Variants in BNIP5 observed in about 807,000 individuals in gnomAD.
BNIP5 encodes protein BNIP5.
In BNIP5, 61 loss-of-function variants were observed where a neutral mutation model predicts 67.3. The ratio of observed to expected loss-of-function variants is 0.91; its 90% CI spans 0.74 to 1.12. The LOEUF is 1.12. BNIP5 is among the 50% of genes most tolerant of loss of function. The probability of loss-of-function intolerance (pLI) is 0.00; values close to 1 mark genes in which losing one functional copy is unlikely to be tolerated. For synonymous variants in BNIP5, 317 were observed against 319.0 expected, an observed-to-expected ratio of 0.99 and a Z score of 0.07; for missense variants, 826 against 816.3, an observed-to-expected ratio of 1.01 and a Z score of -0.14.
intron 11 of BNIP5, among the ~76,000 whole-genome samples, chr6:36,318,685 T>C (rs1398072327): frequency 1.3e-5 from 2 of 152,100 alleles, no homozygotes; most frequent in East Asian, 3.8e-4. Flanking sequence ...ATTACACCAC[T>C]GCACTCCAGC....
At chr6:36,330,007 C>T in intron 2 of BNIP5, 74 bp downstream of exon 2, 2 of 1,489,846 alleles carry the variant, frequency 1.3e-6, no homozygotes, top group South Asian at 2.7e-5. Flanking sequence ...ATCCCTGTCC[C>T]TCTGTGGAGA....
At position 36,317,118 on chromosome 6, in the gene BNIP5, T is replaced by C. The variant is rs1188280177; in HGVS notation, c.*238A>G. On this transcript the variant is annotated 3_prime_UTR_variant, in exon 12 of 12. Coordinates refer to ENST00000437635, the MANE Select transcript of BNIP5 (RefSeq NM_001010903.5). The stretch of plus-strand genomic sequence containing the variant: ...GGTTCAGCAGGTAGAGCCCCAGTCT[T>C]CCTCATTCCCAGTCCAGTGCTGATT... The C allele has an allele frequency of 3.4e-6, 2 of 587,446 alleles. No individual in the cohort carries two copies. Among genetic ancestry groups the C allele is most frequent in the Non-Finnish European group, 6.0e-6 (2 of 331,428 alleles). The allele number at this position is 587,446 out of a possible 1,614,324, so 36.4% of individuals were successfully genotyped here.
chr6:36,332,447 T>A (rs1771928982), intron 1 of BNIP5, among the ~76,000 whole-genome samples: 1 of 152,184 alleles, frequency 6.6e-6, no homozygotes, highest in Non-Finnish European at 1.5e-5. Flanking sequence ...TCTCTCTCCA[T>A]CTCCTGTGTT....
At position 36,330,565 on chromosome 6, in the gene BNIP5, G is replaced by A. The variant is rs537525447; in HGVS notation, c.126C>T (p.Ala42=). 9 of 1,613,742 alleles carry A rather than the reference G, an allele frequency of 5.6e-6. No homozygotes were observed. The highest frequency in any genetic ancestry group is 2.2e-5 in the East Asian group (1 of 44,878). Residue 42 remains alanine, a synonymous_variant, in exon 2 of 12, where the codon GCC becomes GCT. Coordinates refer to ENST00000437635, the MANE Select transcript of BNIP5 (RefSeq NM_001010903.5). The part of the protein sequence containing the change: ...WDCHWLSLPT[A]PSRKALHWTT... ...TCCAGTGAAGCGCCTTCCTGGAGGG[G>A]GCAGTGGGCAGGGAGAGCCAATGGC... is the stretch of plus-strand genomic sequence containing the variant.
At position 36,325,426 on chromosome 6, in the gene BNIP5, A is replaced by T; in HGVS notation, c.1037-12T>A. On this transcript the variant is annotated splice_polypyrimidine_tract_variant and intron_variant, in intron 5 of 11. Coordinates refer to ENST00000437635, the MANE Select transcript of BNIP5 (RefSeq NM_001010903.5). ...AGGTTCTTCCAAGCCTGAGAAGCAG[A>T]AGGAGAACGAGGGTGTGTTTTGTCT... 1 of 1,605,552 alleles carries T rather than the reference A, an allele frequency of 6.2e-7. No homozygotes were observed. Among genetic ancestry groups the T allele is most frequent in the Non-Finnish European group, 8.5e-7 (1 of 1,176,498 alleles).
In BNIP5 at chr6:36,327,065, A is replaced by T; in HGVS notation, c.757T>A (p.Leu253Met). Reference protein sequence around the residue: ...QDAIIQMIVELLKRVGDQWEE... With the variant: ...QDAIIQMIVEMLKRVGDQWEE... ...CACTGGTCTCCCACTCTTTTGAGCA[A>T]TTCCACTATCATCTGAATGATAGCA... The change falls in exon 4 of 12, where the codon TTG becomes ATG. Residue 253 changes from leucine to methionine, a missense_variant. Transcript: ENST00000437635. 2 of 1,614,170 alleles carry T rather than the reference A, an allele frequency of 1.2e-6. No individual in the cohort carries two copies.
rs371439448 is a variant in BNIP5, at chr6:36,319,310, C to T, written c.1923+46G>A. 2.0e-4 allele frequency: 320 copies of T among 1,600,432 alleles called. No individual in the cohort carries two copies. The African/African-American group carries it at 4.0e-3, about 20-fold the overall frequency. On this transcript the variant is annotated intron_variant, in intron 11 of 11. Transcript: ENST00000437635. ...CCACTGGAGGCCAGCTGTGAGCCTG[C>T]TGTCACTCATGCTACATTGCCATTG...
chr6:36,325,458 G>C, intron 5 of BNIP5, 44 bp from the exon 6 acceptor site: 1 of 1,573,428 alleles, frequency 6.4e-7, no homozygotes, highest in Non-Finnish European at 8.6e-7. Context: ...GTCTGTCTGG[G>C]GCTGTTAACT....
chr6:36,323,198 C>A, intron 8 of BNIP5, 95 bp downstream of exon 8: 1 of 1,514,420 alleles, frequency 6.6e-7, no homozygotes, highest in Non-Finnish European at 9.0e-7. Context: ...AGTGGACATC[C>A]TCCACTATGC....
At position 36,328,588 on chromosome 6, in the gene BNIP5, T is replaced by C. The variant is rs1771813992; in HGVS notation, c.727+10A>G. ...CACAGGCAAAAAGGTCACTAGAGATTCCGACTCACGGTCAGGCTTTTTGAG... is the reference window on the plus strand; with the variant it reads ...CACAGGCAAAAAGGTCACTAGAGATCCCGACTCACGGTCAGGCTTTTTGAG... On this transcript the variant is annotated intron_variant, in intron 3 of 11. Coordinates refer to ENST00000437635, the MANE Select transcript of BNIP5 (RefSeq NM_001010903.5). The C allele has an allele frequency of 6.3e-7, 1 of 1,578,284 alleles. No homozygotes were observed. Among genetic ancestry groups the C allele is most frequent in the Non-Finnish European group, 8.7e-7 (1 of 1,147,362 alleles).
Position 36,326,603 on chromosome 6 carries a change from C to T in BNIP5, c.943G>A (p.Asp315Asn). ...GGCCAGGCCTCTGGACTGGAAACAT[C>T]TGCAGCCCCCCTCTTGGCCTCCTCG... ...GSEEAKRGAA[D>N]VSSPEAWPPK... Residue 315 changes from aspartate (D) to asparagine (N), a missense_variant, in exon 5 of 12, where the codon GAT (aspartate) becomes AAT (asparagine). Physicochemically the swap from Asp to Asn is conservative, Grantham distance 23 (BLOSUM62 1). Transcript: ENST00000437635. 6.2e-7 allele frequency: 1 copy of T among 1,614,256 alleles called. No individual in the cohort carries two copies. The highest frequency in any genetic ancestry group is 8.5e-7 in the Non-Finnish European group (1 of 1,180,044).
chr6:36,320,510 G>A (rs1424430887), intron 10 of BNIP5, among the ~76,000 whole-genome samples: 1 of 152,238 alleles, frequency 6.6e-6, no homozygotes, highest in Admixed American at 6.5e-5. Context: ...GGCACAAGGA[G>A]GCAGGTGCTG....
intron 2 of BNIP5, among the ~76,000 whole-genome samples, chr6:36,329,729 T>C (rs1382650070): frequency 6.6e-6 from 1 of 152,024 alleles, no homozygotes; most frequent in Non-Finnish European, 1.5e-5. Flanking sequence ...GGAGAATCAC[T>C]TGACCCTGGA....
At chr6:36,317,537 A>G in intron 11 of BNIP5, 146 bp from the exon 12 acceptor site, 1 of 717,544 alleles carries the variant, frequency 1.4e-6, no homozygotes, top group East Asian at 2.7e-5. Context: ...CCTCCTGCTG[A>G]CACTGTTCTC....
intron 1 of BNIP5, 24 bp from the exon 2 acceptor site, chr6:36,330,718 C>A (rs1277635808): frequency 1.1e-5 from 17 of 1,522,828 alleles, no homozygotes; most frequent in Non-Finnish European, 1.4e-5. Flanking sequence ...ACACAGCTCC[C>A]TTAGTTTTTT....
rs1238105555 is a variant in BNIP5 at position 36,323,479 on chromosome 6, T to G, written c.1285A>C (p.Arg429=). Residue 429 remains arginine (R), a synonymous_variant, in exon 8 of 12, where the codon AGA becomes CGA. Coordinates refer to ENST00000437635, the MANE Select transcript of BNIP5 (RefSeq NM_001010903.5). ...VGVENPAPHC[R]RKSQEKRSSF... Reference sequence around the variant, plus strand: ...GACCTTTTTTCTTGAGATTTCCTTCTGCAGTGTGGGGCCGGGTTTTCTACA... The same window carrying G: ...GACCTTTTTTCTTGAGATTTCCTTCGGCAGTGTGGGGCCGGGTTTTCTACA... 6.2e-7 allele frequency: 1 copy of G among 1,614,230 alleles called. No individual in the cohort carries two copies. Among genetic ancestry groups the G allele is most frequent in the Non-Finnish European group, 8.5e-7 (1 of 1,180,034 alleles).
rs1771545899 is a variant in BNIP5 at position 36,317,479 on chromosome 6, T to C, written c.1924-88A>G. ...AAACAACAGACTTCCCATTATCCCA[T>C]TGACACCCCACCCCAGCCTCCATCT... On this transcript the variant is annotated intron_variant, in intron 11 of 11. Coordinates refer to ENST00000437635, the MANE Select transcript of BNIP5 (RefSeq NM_001010903.5). The C allele has an allele frequency of 2.6e-6, 3 of 1,140,168 alleles. No homozygotes were observed. In the Middle Eastern group the frequency reaches 5.8e-4, roughly 221 times the overall value. The allele number at this position is 1,140,168 out of a possible 1,614,324, so 70.6% of individuals were successfully genotyped here. A position where few individuals can be genotyped will look rare whatever the true frequency, so the allele number is the denominator to read the frequency against.
chr6:36,330,193 G>C lies in BNIP5; in HGVS notation c.498C>G (p.Ala166=). The change falls in exon 2 of 12, where the codon GCC becomes GCG. Residue 166 remains alanine, a synonymous_variant. Transcript: ENST00000437635. ...GGTCTTGAGCTGCCTTAGTCACCTC[G>C]GCCGCGTGTTTCTTGTGACCTTGCT... ...RKKQGHKKHA[A]EVTKAAQDQE... is the part of the protein sequence containing the mutation. The C allele has an allele frequency of 6.2e-7, 1 of 1,614,056 alleles. No individual in the cohort carries two copies. The highest frequency in any genetic ancestry group is 8.5e-7 in the Non-Finnish European group (1 of 1,180,022).
intron 10 of BNIP5, among the ~76,000 whole-genome samples, chr6:36,320,288 C>T (rs1036949397): frequency 2.0e-5 from 3 of 152,156 alleles, no homozygotes; most frequent in Admixed American, 6.5e-5. Context: ...AATGGGAAGG[C>T]GGCCCAGGGG....
Sources: gnomAD v4.1 joint callset for allele counts (sites outside exome capture counted in the v4.1 genomes callset) on GRCh38, gnomAD v4.1.1 for gene constraint, MANE v1.5 for transcripts, NCBI Gene and HGNC (gene_info 2026-07-23, HGNC 2026-07-21) for gene names.